PIEZO2: variants seen among roughly 807,000 people sequenced by gnomAD.
The protein encoded by PIEZO2 is piezo type mechanosensitive ion channel component 2, also known as piezo-type mechanosensitive ion channel component 2.
A neutral mutation model predicts 337.3 loss-of-function variants in PIEZO2; 172 were observed. The observed-to-expected ratio is 0.51, with a 90% confidence interval of 0.45 to 0.58. The LOEUF (loss-of-function observed/expected upper bound fraction) is 0.58. Among genes scored for constraint, PIEZO2 ranks in the 20% least tolerant of loss-of-function variants. The pLI, the probability that PIEZO2 is intolerant of heterozygous loss-of-function variation, is 0.00. For missense variants in PIEZO2, 3,028 were observed against 3,391.3 expected (o/e 0.89, Z 2.66); for synonymous variants, 1,251 against 1,228.5 (o/e 1.02, Z -0.38).
intron 2 of PIEZO2, among the ~76,000 whole-genome samples, chr18:11,036,604 T>G (rs2036931007): frequency 1.3e-5 from 2 of 151,572 alleles, no homozygotes; most frequent in Non-Finnish European, 2.9e-5. Flanking sequence ...ATATAAAATA[T>G]ATACATATTT....
intron 1 of PIEZO2, among the ~76,000 whole-genome samples, chr18:11,138,441 G>A (rs7226764): frequency 0.11 from 17,159 of 152,162 alleles, 1,395 homozygotes; most frequent in Non-Finnish European, 0.17. Flanking sequence ...GACTACAGGC[G>A]TGTGCCACCT....
intron 1 of PIEZO2, among the ~76,000 whole-genome samples, chr18:11,137,888 A>T (rs72876013): frequency 0.024 from 3,580 of 152,316 alleles, 51 homozygotes; most frequent in Non-Finnish European, 0.039. Flanking sequence ...AAACATTTTT[A>T]AAAATAATAT....
In PIEZO2 at chr18:10,726,834, G is replaced by A; in HGVS notation, c.5029+4573C>T. On this transcript the variant is annotated intron_variant, in intron 36 of 55. Coordinates refer to ENST00000674853, the MANE Select transcript of PIEZO2 (RefSeq NM_001378183.1). This position sits in a 1 kb window ranked among gnomAD's most constrained non-coding sequence, Gnocchi z 5.9. ...ATGGGGTGCTGGATAATACCCGGAT[G>A]CCCCACCTTATGCAGGACTTGGCAC... is the stretch of plus-strand genomic sequence containing the variant. 1.3e-6 allele frequency: 2 copies of A among 1,579,260 alleles called. No homozygotes were observed. The highest frequency in any genetic ancestry group is 1.7e-6 in the Non-Finnish European group (2 of 1,151,850).
intron 4 of PIEZO2, among the ~76,000 whole-genome samples, chr18:10,883,119 G>A (rs1312698942): frequency 6.6e-6 from 1 of 152,118 alleles, no homozygotes; most frequent in South Asian, 2.1e-4. Context: ...TTACAGGCGT[G>A]AGCCACTGCA....
rs547422906 is a variant in PIEZO2, at chr18:10,982,449, T to C, written c.161-2789A>G. Among the ~76,000 whole-genome samples the C allele has an allele frequency of 4.3e-4, 66 of 152,260 alleles. No homozygotes were observed. The highest frequency in any genetic ancestry group is 8.1e-4 in the Non-Finnish European group (55 of 68,020). On this transcript the variant is annotated intron_variant, in intron 2 of 55. Coordinates refer to ENST00000674853, the MANE Select transcript of PIEZO2 (RefSeq NM_001378183.1). This position sits in a 1 kb window ranked among gnomAD's most constrained non-coding sequence, Gnocchi z 4.1. ...CATGCATGAATGAGGTGACTCAATA[T>C]GATAAAAATGTCAATTTCCCCAAAA...
chr18:11,021,969 A>AG lies in PIEZO2; in HGVS notation c.161-42310dup, dbSNP rs932995017. ...GTCACCACGTGTGAAGGGGATTTGC[A>AG]GGGGGGTCTCTCAAGAACAAACCCC... is the stretch of plus-strand genomic sequence containing the variant. On this transcript the variant is annotated intron_variant, in intron 2 of 55. Transcript: ENST00000674853. The surrounding 1 kb of genome is among the most constrained non-coding windows in gnomAD (Gnocchi z 4.7). Among the ~76,000 whole-genome samples, 13 of 152,166 alleles carry AG rather than the reference A, an allele frequency of 8.5e-5. No homozygotes were observed. The highest frequency in any genetic ancestry group is 1.9e-4 in the African/African-American group (8 of 41,454).
chr18:10,697,664 C>T, intron 45 of PIEZO2, 84 bp downstream of exon 45: 1 of 1,518,820 alleles, frequency 6.6e-7, no homozygotes. Context: ...AGTTACTTCT[C>T]TGCTCTGCTC....
intron 2 of PIEZO2, among the ~76,000 whole-genome samples, chr18:10,987,898 C>T (rs1452473402): frequency 1.3e-5 from 2 of 151,960 alleles, no homozygotes; most frequent in Admixed American, 1.3e-4. Flanking sequence ...GATATTTCTC[C>T]AAAGAATACA....
Position 11,069,895 on chromosome 18 carries a change from A to G in PIEZO2, c.65-3673T>C, listed in dbSNP as rs2038277769. 6.6e-6 allele frequency among the ~76,000 whole-genome samples: 1 copy of G among 152,274 alleles called. No individual in the cohort carries two copies. Among genetic ancestry groups the G allele is most frequent in the South Asian group, 2.1e-4 (1 of 4,838 alleles). On this transcript the variant is annotated intron_variant, in intron 1 of 55. Transcript: ENST00000674853. This position sits in a 1 kb window ranked among gnomAD's most constrained non-coding sequence, Gnocchi z 4.9. ...ATGCTAACAATGAACTATCTGAAAAAGAAATTTAAAAAATCCCATTCACAA... is the reference window on the plus strand; with the variant it reads ...ATGCTAACAATGAACTATCTGAAAAGGAAATTTAAAAAATCCCATTCACAA...
rs2038272265 is a variant in PIEZO2, at chr18:11,069,763, A to G, written c.65-3541T>C. On this transcript the variant is annotated intron_variant, in intron 1 of 55. Coordinates refer to ENST00000674853, the MANE Select transcript of PIEZO2 (RefSeq NM_001378183.1). The surrounding 1 kb of genome is among the most constrained non-coding windows in gnomAD (Gnocchi z 4.9). Reference sequence around the variant, plus strand: ...TTGTGTTTGCAGATGACATGATCTTATATTAAGAAAACCCTAAAGATTCAA... The same window carrying G: ...TTGTGTTTGCAGATGACATGATCTTGTATTAAGAAAACCCTAAAGATTCAA... 6.6e-6 allele frequency among the ~76,000 whole-genome samples: 1 copy of G among 152,366 alleles called. No homozygotes were observed. The highest frequency in any genetic ancestry group is 3.4e-3 in the Middle Eastern group (1 of 294).
At chr18:10,720,029 G>A (rs1287332213) in intron 36 of PIEZO2, among the ~76,000 whole-genome samples, 1 of 151,896 alleles carries the variant, frequency 6.6e-6, no homozygotes, top group Non-Finnish European at 1.5e-5. Context: ...CTCTGAGGAA[G>A]TACATCTTGA....
intron 7 of PIEZO2, among the ~76,000 whole-genome samples, chr18:10,840,163 C>G (rs921977737): frequency 1.3e-4 from 20 of 152,054 alleles, no homozygotes; most frequent in Non-Finnish European, 2.9e-4. Context: ...GTAACATGTA[C>G]CATGGAAACG....
chr18:10,787,480 G>A (rs1341758504), intron 15 of PIEZO2, among the ~76,000 whole-genome samples: 1 of 152,158 alleles, frequency 6.6e-6, no homozygotes, highest in Non-Finnish European at 1.5e-5. Context: ...ATGGGTTCCT[G>A]CAAGCTATCT....
In PIEZO2 at chr18:10,699,429, C is replaced by G. The variant is rs189461926; in HGVS notation, c.6442-252G>C. On this transcript the variant is annotated intron_variant, in intron 43 of 55. Coordinates refer to ENST00000674853, the MANE Select transcript of PIEZO2 (RefSeq NM_001378183.1). ...TGGTAGTGAATAAGTCTCATGAGAT[C>G]CGATGGTTATAAAAAGGGGAGTTTC... 1.2e-4 allele frequency among the ~76,000 whole-genome samples: 18 copies of G among 152,172 alleles called. No homozygotes were observed. The East Asian group carries it at 2.9e-3, about 25-fold the overall frequency.
At chr18:10,735,969 G>A (rs902710327) in intron 34 of PIEZO2, among the ~76,000 whole-genome samples, 3 of 152,162 alleles carry the variant, frequency 2.0e-5, no homozygotes, top group East Asian at 1.9e-4. Context: ...TAATGACAAA[G>A]CCTCATCTTT....
chr18:10,765,486 T>C (rs919163523), intron 21 of PIEZO2, among the ~76,000 whole-genome samples: 2 of 152,162 alleles, frequency 1.3e-5, no homozygotes, highest in Non-Finnish European at 2.9e-5. Context: ...CATGATCATA[T>C]CTGCCCTGTG....
At chr18:10,699,687 T>C (rs1202634649) in intron 43 of PIEZO2, among the ~76,000 whole-genome samples, 1 of 150,982 alleles carries the variant, frequency 6.6e-6, no homozygotes, top group East Asian at 2.0e-4. Flanking sequence ...AGGGTCCCAG[T>C]AGGGAAGAGA....
In PIEZO2 at chr18:11,143,673, A is replaced by ACTCT. The variant is rs79619707; in HGVS notation, c.64+4848_64+4851dup. ...CTCTCTCTCTCTCTCTCTCTCTCTCACTCTCTCTCTCTCACATAATTTGGC... is the reference window on the plus strand; with the variant it reads ...CTCTCTCTCTCTCTCTCTCTCTCTCACTCTCTCTCTCTCTCTCACATAATTTGGC... On this transcript the variant is annotated intron_variant, in intron 1 of 55. Transcript: ENST00000674853. This position sits in a 1 kb window ranked among gnomAD's most constrained non-coding sequence, Gnocchi z 4.9. Among the ~76,000 whole-genome samples the ACTCT allele has an allele frequency of 9.1e-6, 1 of 110,070 alleles. No individual in the cohort carries two copies. Among genetic ancestry groups the ACTCT allele is most frequent in the Non-Finnish European group, 1.9e-5 (1 of 52,150 alleles). 72.2% of individuals were successfully genotyped at this position (110,070 alleles called of 152,430 possible). A position where few individuals can be genotyped will look rare whatever the true frequency, so the allele number is the denominator to read the frequency against.
chr18:11,100,804 C>T (rs1440263419), intron 1 of PIEZO2, among the ~76,000 whole-genome samples: 1 of 152,134 alleles, frequency 6.6e-6, no homozygotes, highest in Non-Finnish European at 1.5e-5. Context: ...ACCGTGTTAG[C>T]CAGGATGGTC....
Sources: allele counts gnomAD v4.1 joint callset (sites outside exome capture counted in the v4.1 genomes callset), GRCh38; gene constraint gnomAD v4.1.1; non-coding constraint Gnocchi (gnomAD v3.1); transcripts MANE v1.5; gene names NCBI Gene and HGNC (gene_info 2026-07-23, HGNC 2026-07-21).